Variants in FSIP1 observed in about 807,000 individuals in gnomAD.
The protein encoded by FSIP1 is fibrous sheath interacting protein 1.
A neutral mutation model predicts 60.9 loss-of-function variants in FSIP1; 65 were observed. The ratio of observed to expected loss-of-function variants is 1.07; its 90% CI spans 0.87 to 1.31. The LOEUF is 1.31. FSIP1 is among the 40% of genes most tolerant of loss of function. FSIP1 has a pLI of 0.00. For missense variants in FSIP1, 675 were observed against 665.5 expected (o/e 1.01, Z -0.16); for synonymous variants, 209 against 221.2 (o/e 0.94, Z 0.49).
chr15:39,767,890 A>AT (rs1897747660), intron 3 of FSIP1, among the ~76,000 whole-genome samples: 1 of 152,320 alleles, frequency 6.6e-6, no homozygotes, highest in Non-Finnish European at 1.5e-5. Flanking sequence ...ATGTGATTCG[A>AT]TTCTTCTGGT....
At chr15:39,610,739 A>G (rs997330799) in intron 11 of FSIP1, among the ~76,000 whole-genome samples, 1 of 152,234 alleles carries the variant, frequency 6.6e-6, no homozygotes. Context: ...TCAGGAATGT[A>G]TAATATTCAA....
At position 39,696,870 on chromosome 15, in the gene FSIP1, CTGTGTGTGTGTG is replaced by C. The variant is rs67940382; in HGVS notation, c.1188+16562_1188+16573del. Reference sequence around the variant, plus strand: ...GGAAAGGAGGAGGGGGAAGGGGTGTCTGTGTGTGTGTGTGTGTGTGTGTGTGTGTGTGTGTGT... The same window carrying C: ...GGAAAGGAGGAGGGGGAAGGGGTGTCTGTGTGTGTGTGTGTGTGTGTGTGT... On this transcript the variant is annotated intron_variant, in intron 10 of 11. Transcript: ENST00000350221. Among the ~76,000 whole-genome samples the C allele has an allele frequency of 9.2e-3, 1,023 of 111,792 alleles. 34 individuals are homozygous for C. The highest frequency in any genetic ancestry group is 0.031 in the African/African-American group (792 of 25,962). 73.3% of individuals were successfully genotyped at this position (111,792 alleles called of 152,430 possible).
intron 10 of FSIP1, among the ~76,000 whole-genome samples, chr15:39,644,913 G>T (rs1892530426): frequency 6.6e-6 from 1 of 152,196 alleles, no homozygotes; most frequent in African/African-American, 2.4e-5. Context: ...ACATATAAGT[G>T]AGCTGAACAA....
intron 10 of FSIP1, among the ~76,000 whole-genome samples, chr15:39,647,801 T>C (rs550498626): frequency 8.5e-5 from 13 of 152,348 alleles, no homozygotes; most frequent in African/African-American, 3.1e-4. Context: ...TGTTTAAATG[T>C]TCTAACAAAA....
At chr15:39,698,834 C>A (rs1418088393) in intron 10 of FSIP1, among the ~76,000 whole-genome samples, 2 of 152,184 alleles carry the variant, frequency 1.3e-5, no homozygotes, top group African/African-American at 2.4e-5. Flanking sequence ...TTTATACCTG[C>A]CCAAAAGTGG....
At chr15:39,748,716 A>G (rs959286181) in intron 5 of FSIP1, among the ~76,000 whole-genome samples, 10 of 152,220 alleles carry the variant, frequency 6.6e-5, no homozygotes, top group African/African-American at 2.2e-4. Context: ...TTATAAAAGA[A>G]GAAAGATCTC....
intron 10 of FSIP1, among the ~76,000 whole-genome samples, chr15:39,682,446 G>A (rs1049128945): frequency 6.6e-6 from 1 of 152,178 alleles, no homozygotes; most frequent in African/African-American, 2.4e-5. Flanking sequence ...ACTTGACTGT[G>A]TTTTCACAGA....
At chr15:39,661,595 C>T (rs764255734) in intron 10 of FSIP1, among the ~76,000 whole-genome samples, 6 of 152,222 alleles carry the variant, frequency 3.9e-5, no homozygotes, top group East Asian at 1.9e-4. Context: ...CTGGACAGTA[C>T]GAGTGGAAAT....
chr15:39,726,598 C>G lies in FSIP1; in HGVS notation c.1041G>C (p.Arg347=), dbSNP rs759239056. Residue 347 remains arginine (R), a synonymous_variant, in exon 9 of 12, where the codon CGG becomes CGC. Coordinates refer to ENST00000350221, the MANE Select transcript of FSIP1 (RefSeq NM_152597.5). ...ISSFSPRLEN[R]NNQKPDRDGE... is the part of the protein sequence containing the mutation. Reference sequence around the variant, plus strand: ...TGGGTTCTTCAAATACCTGATTATTCCGATTTTCAAGTCTTGGAGAAAAAC... The same window carrying G: ...TGGGTTCTTCAAATACCTGATTATTGCGATTTTCAAGTCTTGGAGAAAAAC... 3 of 1,613,978 alleles carry G rather than the reference C, an allele frequency of 1.9e-6. No homozygotes were observed. The East Asian group carries it at 6.7e-5, about 36-fold the overall frequency.
At chr15:39,738,769 G>T (rs549629138) in intron 7 of FSIP1, among the ~76,000 whole-genome samples, 17 of 152,332 alleles carry the variant, frequency 1.1e-4, no homozygotes, top group Admixed American at 8.5e-4. Context: ...GACAGAGACA[G>T]AACAAGATGG....
chr15:39,735,220 C>T (rs1896562576), intron 8 of FSIP1, among the ~76,000 whole-genome samples: 1 of 152,142 alleles, frequency 6.6e-6, no homozygotes, highest in South Asian at 2.1e-4. Context: ...AGAAATGTAC[C>T]ATTAGGCAAT....
intron 10 of FSIP1, among the ~76,000 whole-genome samples, chr15:39,661,838 T>C (rs1199548208): frequency 6.6e-6 from 1 of 152,218 alleles, no homozygotes; most frequent in Non-Finnish European, 1.5e-5. Context: ...CCACTAAGAC[T>C]GCATGGTTTT....
At chr15:39,612,500 T>C (rs928056289) in intron 11 of FSIP1, among the ~76,000 whole-genome samples, 4 of 152,024 alleles carry the variant, frequency 2.6e-5, no homozygotes, top group African/African-American at 9.7e-5. Flanking sequence ...ACAAAAGCAG[T>C]TCTAAGTGGG....
rs928117318 is a variant in FSIP1, at chr15:39,774,445, C to G, written c.126+1954G>C. Among the ~76,000 whole-genome samples the G allele has an allele frequency of 2.7e-5, 4 of 149,922 alleles. 1 individual carries two copies. Among genetic ancestry groups the G allele is most frequent in the South Asian group, 4.2e-4 (2 of 4,760 alleles). On this transcript the variant is annotated intron_variant, in intron 2 of 11. Transcript: ENST00000350221. ...GTAGTGAGCCAAGATCACACCATTG[C>G]ATTCCAGCCTGGGCAAAAGAGCAAG...
At chr15:39,630,230 A>C (rs976818893) in intron 10 of FSIP1, among the ~76,000 whole-genome samples, 3 of 152,248 alleles carry the variant, frequency 2.0e-5, no homozygotes, top group African/African-American at 7.2e-5. Flanking sequence ...GCTGAGAATA[A>C]GGATACTATA....
chr15:39,782,194 T>C (rs1403969497), intron 1 of FSIP1, among the ~76,000 whole-genome samples: 1 of 152,242 alleles, frequency 6.6e-6, no homozygotes, highest in Non-Finnish European at 1.5e-5. Flanking sequence ...TCCAGTCTCA[T>C]AGGTGTAAAA....
chr15:39,663,595 A>G (rs1407429507), intron 10 of FSIP1, among the ~76,000 whole-genome samples: 1 of 152,174 alleles, frequency 6.6e-6, no homozygotes, highest in Non-Finnish European at 1.5e-5. Flanking sequence ...ATCATAATAC[A>G]GCCTTATAAT....
intron 9 of FSIP1, among the ~76,000 whole-genome samples, chr15:39,724,334 C>T (rs919776011): frequency 6.6e-6 from 1 of 151,748 alleles, no homozygotes; most frequent in African/African-American, 2.4e-5. Context: ...TCACTGCAAG[C>T]TCTGCCTCCC....
intron 10 of FSIP1, among the ~76,000 whole-genome samples, chr15:39,643,093 C>T (rs999864015): frequency 6.6e-6 from 1 of 152,108 alleles, no homozygotes; most frequent in Non-Finnish European, 1.5e-5. Context: ...ATCCTTTGCA[C>T]CTGAGGTTAA....
Sources: gnomAD v4.1 joint callset for allele counts (sites outside exome capture counted in the v4.1 genomes callset) on GRCh38, gnomAD v4.1.1 for gene constraint, MANE v1.5 for transcripts, NCBI Gene and HGNC (gene_info 2026-07-23, HGNC 2026-07-21) for gene names.